Variants in FYB2 observed in about 807,000 individuals in gnomAD.
FYB2 encodes the protein FYN binding protein 2.
A neutral mutation model predicts 94.1 loss-of-function variants in FYB2; 103 were observed. The observed-to-expected ratio is 1.09, with a 90% CI of 0.93 to 1.29. The LOEUF (loss-of-function observed/expected upper bound fraction) is 1.29. FYB2 is among the 50% of genes most tolerant of loss of function. The pLI, the probability that FYB2 is intolerant of heterozygous loss-of-function variation, is 0.00. For missense variants in FYB2, 896 were observed against 841.5 expected (o/e 1.06, Z -0.80); for synonymous variants, 293 against 287.9 (o/e 1.02, Z -0.18).
chr1:56,804,472 C>A (rs1476735898), intron 1 of FYB2, among the ~76,000 whole-genome samples: 2 of 152,158 alleles, frequency 1.3e-5, no homozygotes, highest in Non-Finnish European at 2.9e-5. Context: ...TGCCTGTAAT[C>A]CCAGCACATT....
chr1:56,721,025 G>A (rs1644475837), intron 17 of FYB2, among the ~76,000 whole-genome samples: 1 of 151,966 alleles, frequency 6.6e-6, no homozygotes, highest in African/African-American at 2.4e-5. Flanking sequence ...TATACTACAT[G>A]TTATTTCAAA....
At chr1:56,743,052 C>T (rs1644990382) in intron 11 of FYB2, among the ~76,000 whole-genome samples, 2 of 151,938 alleles carry the variant, frequency 1.3e-5, no homozygotes, top group South Asian at 4.1e-4. Context: ...TTCATTACCT[C>T]ACATATTTTT....
chr1:56,741,556 C>G (rs552096238), intron 12 of FYB2, among the ~76,000 whole-genome samples: 9 of 152,142 alleles, frequency 5.9e-5, no homozygotes, highest in African/African-American at 2.2e-4. Context: ...TCGTGCCAAC[C>G]AGCATGCCCA....
intron 4 of FYB2, among the ~76,000 whole-genome samples, chr1:56,783,700 G>A (rs181825263): frequency 6.6e-4 from 100 of 151,328 alleles, no homozygotes; most frequent in African/African-American, 1.9e-3. Flanking sequence ...ACAAAGAAGC[G>A]TGTGTGTGTG....
At chr1:56,755,663 G>C (rs1351777335) in intron 7 of FYB2, among the ~76,000 whole-genome samples, 1 of 152,090 alleles carries the variant, frequency 6.6e-6, no homozygotes, top group Non-Finnish European at 1.5e-5. Context: ...GGCACATGTT[G>C]GGTACTCAGT....
chr1:56,797,088 G>A (rs1179128925), intron 1 of FYB2, among the ~76,000 whole-genome samples: 1 of 152,142 alleles, frequency 6.6e-6, no homozygotes, highest in Non-Finnish European at 1.5e-5. Context: ...TGGTTGCCAA[G>A]CAGGTTTCCT....
intron 9 of FYB2, among the ~76,000 whole-genome samples, chr1:56,749,353 C>T (rs6666850): frequency 0.31 from 47,528 of 151,576 alleles, 7,762 homozygotes; most frequent in African/African-American, 0.41. Flanking sequence ...TTTCACTTTA[C>T]CTTCCATGAC....
At chr1:56,780,423 G>A (rs1201725374) in intron 4 of FYB2, among the ~76,000 whole-genome samples, 1 of 152,064 alleles carries the variant, frequency 6.6e-6, no homozygotes, top group Non-Finnish European at 1.5e-5. Flanking sequence ...AGTCTATTAA[G>A]CCTTGCCCTC....
At chr1:56,720,434 A>G (rs1057242829) in intron 17 of FYB2, 105 bp from the exon 18 acceptor site, 16 of 1,016,784 alleles carry the variant, frequency 1.6e-5, no homozygotes, top group African/African-American at 3.3e-5. Context: ...AACTCAAGAT[A>G]CTATTGACTA....
intron 4 of FYB2, among the ~76,000 whole-genome samples, chr1:56,783,524 A>G (rs1370299950): frequency 6.6e-6 from 1 of 152,118 alleles, no homozygotes; most frequent in African/African-American, 2.4e-5. Context: ...TTTAATTTAG[A>G]GAAGAATGTA....
At chr1:56,755,661 T>C (rs192670842) in intron 7 of FYB2, among the ~76,000 whole-genome samples, 37 of 152,216 alleles carry the variant, frequency 2.4e-4, no homozygotes, top group Non-Finnish European at 2.9e-4. Flanking sequence ...CTGGCACATG[T>C]TGGGTACTCA....
chr1:56,730,918 CA>C (rs1357648176), intron 15 of FYB2, among the ~76,000 whole-genome samples: 1 of 151,970 alleles, frequency 6.6e-6, no homozygotes, highest in African/African-American at 2.4e-5. Context: ...AACAGCACAT[CA>C]AAAAGATAAT....
At chr1:56,801,595 A>C (rs898661318) in intron 1 of FYB2, among the ~76,000 whole-genome samples, 9 of 152,138 alleles carry the variant, frequency 5.9e-5, no homozygotes, top group Admixed American at 1.3e-4. Flanking sequence ...ATGAGTAATA[A>C]ATGAACCGTC....
intron 1 of FYB2, among the ~76,000 whole-genome samples, chr1:56,798,665 A>G (rs534617505): frequency 3.9e-5 from 6 of 152,298 alleles, no homozygotes; most frequent in South Asian, 2.1e-4. Context: ...AATAATAATA[A>G]CAAAAATGGG....
chr1:56,726,832 C>T (rs934368512), intron 15 of FYB2, among the ~76,000 whole-genome samples: 1 of 151,994 alleles, frequency 6.6e-6, no homozygotes, highest in Non-Finnish European at 1.5e-5. Context: ...CATATTTGGT[C>T]CTCAGGCCAT....
At chr1:56,769,678 C>G (rs1645708987) in intron 4 of FYB2, among the ~76,000 whole-genome samples, 1 of 151,632 alleles carries the variant, frequency 6.6e-6, no homozygotes, top group East Asian at 1.9e-4. Context: ...TTAATTGTAA[C>G]TACTAAAAAA....
At chr1:56,823,614 G>GTGTGT, upstream of FYB2, 1 of 152,304 alleles carries the variant, frequency 6.6e-6, no homozygotes, top group African/African-American at 2.4e-5. Flanking sequence ...ATCTTAATAA[G>GTGTGT]TGTGTAATAA....
At chr1:56,735,452 G>C (rs777552810) in intron 15 of FYB2, among the ~76,000 whole-genome samples, 2 of 152,100 alleles carry the variant, frequency 1.3e-5, no homozygotes, top group Non-Finnish European at 2.9e-5. Flanking sequence ...GATGCTAAAG[G>C]CTGGGAAAGT....
intron 8 of FYB2, among the ~76,000 whole-genome samples, chr1:56,751,939 G>C (rs551572115): frequency 2.8e-4 from 42 of 152,108 alleles, no homozygotes; most frequent in African/African-American, 1.0e-3. Context: ...AGATGGGTTA[G>C]AGAAGACCTC....
Sources: allele counts gnomAD v4.1 joint callset (sites outside exome capture counted in the v4.1 genomes callset), GRCh38; gene constraint gnomAD v4.1.1; transcripts MANE v1.5; gene names NCBI Gene and HGNC (gene_info 2026-07-23, HGNC 2026-07-21).